The following MAN1A2 variants were observed in gnomAD, a reference collection of about 807,000 sequenced individuals.
The protein encoded by MAN1A2 is mannosidase alpha class 1A member 2.
Under a neutral mutation model 75.7 loss-of-function variants are expected in MAN1A2, and 26 were observed. The ratio of observed to expected loss-of-function variants is 0.34; its 90% CI spans 0.25 to 0.48. MAN1A2 has a LOEUF of 0.48. Ranked by LOEUF, MAN1A2 falls within the 20% of genes least tolerant of loss-of-function variation. The probability of loss-of-function intolerance (pLI) is 0.99; values close to 1 mark genes in which losing one functional copy is unlikely to be tolerated. For missense variants in MAN1A2, 562 were observed against 775.5 expected, an observed-to-expected ratio of 0.72 and a Z score of 3.27; for synonymous variants, 247 against 264.6, an observed-to-expected ratio of 0.93 and a Z score of 0.65.
At chr1:117,460,428 A>T in intron 6 of MAN1A2, 61 bp from the exon 7 acceptor site, 1 of 1,210,258 alleles carries the variant, frequency 8.3e-7, no homozygotes, top group Non-Finnish European at 1.2e-6. Flanking sequence ...CATATTCATT[A>T]AACGAATGTT....
At chr1:117,445,842 GTGTGTGTGTGTGTGTGTA>G (rs1557953761) in intron 6 of MAN1A2, among the ~76,000 whole-genome samples, 25 of 68,362 alleles carry the variant, frequency 3.7e-4, no homozygotes, top group African/African-American at 1.8e-3. Flanking sequence ...TTTCATATTT[GTGTGTGTGTGTGTGTGTA>G]TGTGTGTGTG....
intron 5 of MAN1A2, among the ~76,000 whole-genome samples, chr1:117,427,813 C>A (rs1291588508): frequency 3.3e-5 from 5 of 152,006 alleles, no homozygotes; most frequent in Non-Finnish European, 7.4e-5. Context: ...ATTACTTTTT[C>A]AAAATTTCTT....
chr1:117,433,737 T>A (rs1448467147), intron 5 of MAN1A2, among the ~76,000 whole-genome samples: 2 of 152,178 alleles, frequency 1.3e-5, no homozygotes, highest in Non-Finnish European at 2.9e-5. Flanking sequence ...CTGCACACAC[T>A]TTGCAGTTTG....
intron 4 of MAN1A2, among the ~76,000 whole-genome samples, chr1:117,417,534 A>G (rs201105462): frequency 1.1e-5 from 1 of 89,218 alleles, no homozygotes; most frequent in East Asian, 3.0e-4. Flanking sequence ...CTTGAGTTTA[A>G]ATATATATAT....
chr1:117,398,502 C>T (rs990805286), intron 1 of MAN1A2, among the ~76,000 whole-genome samples: 3 of 151,920 alleles, frequency 2.0e-5, no homozygotes, highest in East Asian at 1.9e-4. Flanking sequence ...GGTGAAACCC[C>T]GTTTCTACTA....
intron 12 of MAN1A2, among the ~76,000 whole-genome samples, chr1:117,505,767 G>GA (rs1291506450): frequency 2.0e-5 from 3 of 151,020 alleles, no homozygotes; most frequent in Admixed American, 6.6e-5. Context: ...AAATGAGACA[G>GA]AATTTTTTAT....
intron 3 of MAN1A2, among the ~76,000 whole-genome samples, chr1:117,410,819 C>T (rs1031696069): frequency 2.6e-5 from 4 of 151,358 alleles, no homozygotes; most frequent in Non-Finnish European, 5.9e-5. Flanking sequence ...TTGCAACAAA[C>T]AGTTATAAAC....
intron 5 of MAN1A2, among the ~76,000 whole-genome samples, chr1:117,430,690 A>G (rs1333340823): frequency 1.7e-5 from 1 of 60,016 alleles, no homozygotes; most frequent in Admixed American, 1.7e-4. Context: ...CCTAGATGGG[A>G]TGGCGGCCGG....
intron 5 of MAN1A2, among the ~76,000 whole-genome samples, chr1:117,422,709 A>G (rs1648236238): frequency 6.6e-6 from 1 of 152,060 alleles, no homozygotes; most frequent in African/African-American, 2.4e-5. Flanking sequence ...TTTATTTGTC[A>G]TATGTATTTT....
intron 5 of MAN1A2, among the ~76,000 whole-genome samples, chr1:117,435,618 A>C (rs560580842): frequency 6.6e-6 from 1 of 152,354 alleles, no homozygotes; most frequent in East Asian, 1.9e-4. Flanking sequence ...CAGCTACTTA[A>C]TTGTATGTTA....
chr1:117,371,798 T>C (rs996604446), intron 1 of MAN1A2, among the ~76,000 whole-genome samples: 3 of 152,070 alleles, frequency 2.0e-5, no homozygotes, highest in African/African-American at 7.2e-5. Context: ...GATCAGGAGA[T>C]TTCATGTTAA....
At chr1:117,430,237 C>A (rs868139130) in intron 5 of MAN1A2, among the ~76,000 whole-genome samples, 1 of 112,020 alleles carries the variant, frequency 8.9e-6, no homozygotes, top group African/African-American at 3.7e-5. Context: ...TCCCGGACGG[C>A]ACGGCTGGCC....
intron 6 of MAN1A2, 23 bp downstream of exon 6, chr1:117,442,348 A>G: frequency 6.9e-7 from 1 of 1,449,160 alleles, no homozygotes; most frequent in Non-Finnish European, 9.7e-7. Flanking sequence ...GGGTATTCTT[A>G]TTCTGGAAGA....
intron 12 of MAN1A2, among the ~76,000 whole-genome samples, chr1:117,505,034 G>A (rs559151841): frequency 1.3e-5 from 2 of 151,372 alleles, no homozygotes; most frequent in Non-Finnish European, 3.0e-5. Context: ...TAACTTATCT[G>A]TGGAGTGATA....
chr1:117,506,415 T>C (rs533294510), intron 12 of MAN1A2, among the ~76,000 whole-genome samples: 2 of 151,716 alleles, frequency 1.3e-5, no homozygotes, highest in East Asian at 3.9e-4. Context: ...ATAGGCATAC[T>C]TTTTTCCCCA....
At chr1:117,374,326 T>A (rs1470878585) in intron 1 of MAN1A2, among the ~76,000 whole-genome samples, 2 of 152,214 alleles carry the variant, frequency 1.3e-5, no homozygotes, top group Non-Finnish European at 2.9e-5. Flanking sequence ...TTGGGCTGAC[T>A]CCACATATTT....
At chr1:117,417,663 CT>C (rs1277641656) in intron 4 of MAN1A2, among the ~76,000 whole-genome samples, 5 of 146,772 alleles carry the variant, frequency 3.4e-5, no homozygotes, top group African/African-American at 1.2e-4. Context: ...TATGTTTAAA[CT>C]TTAAGGGTAA....
At chr1:117,450,455 C>T (rs1649373046) in intron 6 of MAN1A2, among the ~76,000 whole-genome samples, 1 of 152,114 alleles carries the variant, frequency 6.6e-6, no homozygotes, top group South Asian at 2.1e-4. Flanking sequence ...AAAGAAAAGC[C>T]CGTTTTCTGA....
intron 8 of MAN1A2, among the ~76,000 whole-genome samples, chr1:117,469,055 G>T (rs1456672488): frequency 6.6e-6 from 1 of 152,050 alleles, no homozygotes; most frequent in Non-Finnish European, 1.5e-5. Context: ...ATGATCAAAA[G>T]TACAACATTG....
Sources: allele counts gnomAD v4.1 joint callset (sites outside exome capture counted in the v4.1 genomes callset), GRCh38; gene constraint gnomAD v4.1.1; transcripts MANE v1.5; gene names NCBI Gene and HGNC (gene_info 2026-07-23, HGNC 2026-07-21).